Variants in LRRC7 observed in about 807,000 individuals in gnomAD.
LRRC7 encodes the protein leucine-rich repeat-containing protein 7.
Under a neutral mutation model 175.7 loss-of-function variants are expected in LRRC7, and 23 were observed. The observed-to-expected ratio is 0.13, with a 90% confidence interval of 0.09 to 0.19. The LOEUF (loss-of-function observed/expected upper bound fraction) is 0.19. LRRC7 is among the 10% of genes least tolerant of loss of function. LRRC7 has a pLI of 1.00. For missense variants in LRRC7, 1,354 were observed against 1,904.7 expected (o/e 0.71, Z 5.38); for synonymous variants, 685 against 680.9 (o/e 1.01, Z -0.09).
In LRRC7 at chr1:70,140,878, ATAAT is replaced by A. The variant is rs895589863; in HGVS notation, c.*18996_*18999del. Among the ~76,000 whole-genome samples, 3 of 152,188 alleles carry A rather than the reference ATAAT, an allele frequency of 2.0e-5. No homozygotes were observed. The highest frequency in any genetic ancestry group is 6.5e-5 in the Admixed American group (1 of 15,268). ...TCAGTGACTTAACTGACATAAATGC[ATAAT>A]TAATGACAAGGACCACTGGGAGCAG... On this transcript the variant is annotated 3_prime_UTR_variant, in exon 27 of 27. Transcript: ENST00000651989.
At chr1:69,980,329 A>C (rs765799194) in intron 8 of LRRC7, 50 bp from the exon 9 acceptor site, 2 of 1,396,990 alleles carry the variant, frequency 1.4e-6, no homozygotes, top group Non-Finnish European at 2.0e-6. Context: ...ATAAGTAAAA[A>C]CTAATTTAAT....
intron 6 of LRRC7, 81 bp from the exon 7 acceptor site, chr1:69,838,146 G>T: frequency 1.1e-6 from 1 of 897,780 alleles, no homozygotes. Flanking sequence ...TAACCCTATA[G>T]TGCTACCAAA....
At chr1:69,630,112 T>C (rs1398469440) in intron 1 of LRRC7, among the ~76,000 whole-genome samples, 2 of 152,158 alleles carry the variant, frequency 1.3e-5, no homozygotes, top group African/African-American at 2.4e-5. Flanking sequence ...CATCCATGCA[T>C]TTATCCATAT....
intron 23 of LRRC7, among the ~76,000 whole-genome samples, chr1:70,063,977 T>G (rs971413766): frequency 1.3e-5 from 2 of 152,010 alleles, no homozygotes; most frequent in Admixed American, 6.6e-5. Context: ...TACACTGAAG[T>G]GAAAGGTTCT....
At chr1:69,781,700 A>G (rs1272293241) in intron 3 of LRRC7, among the ~76,000 whole-genome samples, 1 of 23,690 alleles carries the variant, frequency 4.2e-5, no homozygotes, top group African/African-American at 2.8e-4. Context: ...AGAAAGAAAG[A>G]AAGAAAGAAA....
At chr1:69,698,356 T>C (rs1198444422) in intron 2 of LRRC7, among the ~76,000 whole-genome samples, 1 of 152,236 alleles carries the variant, frequency 6.6e-6, no homozygotes, top group African/African-American at 2.4e-5. Context: ...CACTTTCTTA[T>C]ACTGATGACA....
intron 2 of LRRC7, among the ~76,000 whole-genome samples, chr1:69,704,044 G>A (rs1663712909): frequency 6.6e-6 from 1 of 152,016 alleles, no homozygotes; most frequent in South Asian, 2.1e-4. Context: ...AACAGATAAA[G>A]AAAATTTATA....
rs371344078 is a variant in LRRC7 at position 69,901,870 on chromosome 1, G to A, written c.648-29637G>A. Among the ~76,000 whole-genome samples the A allele has an allele frequency of 5.9e-5, 9 of 152,134 alleles. No homozygotes were observed. In the East Asian group the frequency reaches 1.7e-3, roughly 29 times the overall value. On this transcript the variant is annotated intron_variant, in intron 7 of 26. Coordinates refer to ENST00000651989, the MANE Select transcript of LRRC7 (RefSeq NM_001370785.2). ...CATTATCTCTTAAGCCCTAATTCCA[G>A]TGTTATCTTATATAAAGCCATCTGT... is the stretch of plus-strand genomic sequence containing the variant.
intron 25 of LRRC7, among the ~76,000 whole-genome samples, chr1:70,103,859 A>G (rs1466406503): frequency 6.6e-6 from 1 of 152,066 alleles, no homozygotes; most frequent in Non-Finnish European, 1.5e-5. Flanking sequence ...GTTATTATAT[A>G]ACAGCAGTTT....
intron 4 of LRRC7, among the ~76,000 whole-genome samples, chr1:69,799,120 A>ATTTTTTTT (rs1676156601): frequency 9.6e-6 from 1 of 104,422 alleles, no homozygotes; most frequent in Non-Finnish European, 1.9e-5. Context: ...TTTTTTTTTG[A>ATTTTTTTT]TTATGTGGGC....
At position 70,028,214 on chromosome 1, in the gene LRRC7, A is replaced by G. The variant is rs756972138; in HGVS notation, c.1838A>G (p.Asp613Gly). The change falls in exon 18 of 27, where the codon GAT (aspartate) becomes GGT (glycine). Residue 613 changes from aspartate (D) to glycine (G), a missense_variant. Around this residue, in one of 4 missense-constraint regions of LRRC7, gnomAD observed 1,032 missense variants for 1,227.2 expected, o/e 0.84. Coordinates refer to ENST00000651989, the MANE Select transcript of LRRC7 (RefSeq NM_001370785.2). ...LKRYPTPYPEDLKNMVKSVQN... is the reference protein window; with the variant it reads ...LKRYPTPYPEGLKNMVKSVQN... Reference sequence around the variant, plus strand: ...CGATATCCAACTCCTTACCCAGAGGATTTAAAGAATATGGTAAAATCTGTT... The same window carrying G: ...CGATATCCAACTCCTTACCCAGAGGGTTTAAAGAATATGGTAAAATCTGTT... 5.0e-6 allele frequency: 8 copies of G among 1,613,668 alleles called. No individual in the cohort carries two copies. In the African/African-American group the frequency reaches 1.1e-4, roughly 22 times the overall value.
At chr1:69,990,422 T>C (rs1453785003) in intron 10 of LRRC7, among the ~76,000 whole-genome samples, 2 of 152,062 alleles carry the variant, frequency 1.3e-5, no homozygotes, top group African/African-American at 4.8e-5. Flanking sequence ...ATGTTATTTA[T>C]GAACTTAATT....
intron 1 of LRRC7, among the ~76,000 whole-genome samples, chr1:69,616,003 A>G (rs575932077): frequency 6.6e-6 from 1 of 152,148 alleles, no homozygotes; most frequent in Admixed American, 6.6e-5. Context: ...CTATTAATTT[A>G]CTCTAATGAA....
intron 1 of LRRC7, among the ~76,000 whole-genome samples, chr1:69,595,916 A>G (rs756267560): frequency 1.4e-5 from 2 of 142,590 alleles, no homozygotes; most frequent in Non-Finnish European, 3.2e-5. Context: ...ATTAAAAAAC[A>G]TTTAATAACA....
chr1:69,645,161 CTT>C lies in LRRC7; in HGVS notation c.3-33211_3-33210del, dbSNP rs57817104. 3.3e-5 allele frequency among the ~76,000 whole-genome samples: 5 copies of C among 150,186 alleles called. No homozygotes were observed. In the South Asian group the frequency reaches 6.3e-4, roughly 19 times the overall value. ...ACAAAGTTTGGAAAAGAAGTAAAAT[CTT>C]TTTTTTTTATTCACAGATGACATAA... On this transcript the variant is annotated intron_variant, in intron 1 of 26. Coordinates refer to ENST00000651989, the MANE Select transcript of LRRC7 (RefSeq NM_001370785.2).
At chr1:69,910,991 C>A (rs1017524904) in intron 7 of LRRC7, among the ~76,000 whole-genome samples, 1 of 152,204 alleles carries the variant, frequency 6.6e-6, no homozygotes, top group African/African-American at 2.4e-5. Flanking sequence ...GGGCATAGGA[C>A]CCTCCGAGTC....
At chr1:69,924,794 T>A (rs943154195) in intron 7 of LRRC7, among the ~76,000 whole-genome samples, 3 of 152,198 alleles carry the variant, frequency 2.0e-5, no homozygotes, top group African/African-American at 7.2e-5. Context: ...CCTTTATTTC[T>A]TTCTCATGCC....
At chr1:69,575,232 A>G (rs997782638) in intron 1 of LRRC7, among the ~76,000 whole-genome samples, 2 of 152,112 alleles carry the variant, frequency 1.3e-5, no homozygotes, top group South Asian at 4.1e-4. Context: ...TGTAGCTCCC[A>G]CTGTCTGCCA....
At chr1:69,961,479 C>T (rs189808841) in intron 8 of LRRC7, among the ~76,000 whole-genome samples, 1 of 152,302 alleles carries the variant, frequency 6.6e-6, no homozygotes, top group East Asian at 1.9e-4. Context: ...CTAGAAAAAA[C>T]TATTTTAAAT....
Sources: allele counts gnomAD v4.1 joint callset (sites outside exome capture counted in the v4.1 genomes callset), GRCh38; gene constraint gnomAD v4.1.1; regional missense constraint gnomAD v4.1.1; transcripts MANE v1.5; gene names NCBI Gene and HGNC (gene_info 2026-07-23, HGNC 2026-07-21).